Variants in SPEF2 observed in about 807,000 individuals in gnomAD.
SPEF2 encodes sperm flagella and cilia-associated protein 2.
SPEF2 carries 187 observed loss-of-function variants against 224.6 expected under a neutral mutation model. That is an observed-to-expected ratio of 0.83 (90% CI 0.74 to 0.94). The LOEUF (loss-of-function observed/expected upper bound fraction) is 0.94. Among genes scored for constraint, SPEF2 ranks in the 40% least tolerant of loss-of-function variants. The pLI is 0.00. For missense variants in SPEF2, 2,170 were observed against 2,135.6 expected, an observed-to-expected ratio of 1.02 and a Z score of -0.32; for synonymous variants, 715 against 707.3, an observed-to-expected ratio of 1.01 and a Z score of -0.17.
chr5:35,638,561 T>C (rs1169095244), intron 2 of SPEF2, among the ~76,000 whole-genome samples: 1 of 152,224 alleles, frequency 6.6e-6, no homozygotes, highest in African/African-American at 2.4e-5. Context: ...CTCTAAACTC[T>C]TCTTTTACTT....
chr5:35,641,830 A>G (rs1044790139), intron 3 of SPEF2, 147 bp downstream of exon 3: 3 of 807,336 alleles, frequency 3.7e-6, no homozygotes, highest in African/African-American at 3.5e-5. Context: ...TTTATTTTAT[A>G]TTAATAATTT....
At chr5:35,699,294 G>A (rs955488823) in intron 15 of SPEF2, 9 of 152,080 alleles carry the variant, frequency 5.9e-5, no homozygotes, top group Admixed American at 4.6e-4. Flanking sequence ...TTAATCCAAA[G>A]GCCAAAAACA....
intron 23 of SPEF2, among the ~76,000 whole-genome samples, chr5:35,742,566 G>A (rs1430156069): frequency 6.6e-6 from 1 of 151,302 alleles, no homozygotes. Flanking sequence ...CCAATTTAAT[G>A]GGTAAAAATA....
chr5:35,626,643 G>A (rs1341590869), intron 1 of SPEF2, among the ~76,000 whole-genome samples: 1 of 151,986 alleles, frequency 6.6e-6, no homozygotes, highest in African/African-American at 2.4e-5. Context: ...TCTAATTCTA[G>A]ACAGTTCAAG....
intron 36 of SPEF2, among the ~76,000 whole-genome samples, chr5:35,809,814 T>C (rs1008435060): frequency 1.3e-5 from 2 of 152,116 alleles, no homozygotes; most frequent in African/African-American, 4.8e-5. Flanking sequence ...CAACGTGGAT[T>C]CCATAGGCCC....
intron 19 of SPEF2, among the ~76,000 whole-genome samples, chr5:35,711,217 C>A (rs371485477): frequency 1.3e-5 from 2 of 152,044 alleles, no homozygotes; most frequent in Non-Finnish European, 2.9e-5. Context: ...CACTAAAAAA[C>A]CAAATGAAAT....
intron 7 of SPEF2, 58 bp from the exon 8 acceptor site, chr5:35,658,961 G>A (rs1485129418): frequency 1.0e-5 from 14 of 1,384,730 alleles, no homozygotes; most frequent in East Asian, 2.5e-5. Context: ...TATAGGCTTC[G>A]TAGCTCAGCG....
Position 35,646,581 on chromosome 5 carries a change from A to G in SPEF2, c.586-86A>G, listed in dbSNP as rs140685859. 6.1e-5 allele frequency: 82 copies of G among 1,336,014 alleles called. No homozygotes were observed. The East Asian group carries it at 1.6e-3, about 25-fold the overall frequency. 82.8% of individuals were successfully genotyped at this position (1,336,014 alleles called of 1,614,324 possible). ...TGGGTTCTGAAATTTTCAATAGATA[A>G]ATTTTATATATTTGTACCTATGAGT... On this transcript the variant is annotated intron_variant, in intron 4 of 36. Coordinates refer to ENST00000356031, the MANE Select transcript of SPEF2 (RefSeq NM_024867.4).
chr5:35,807,384 A>ACAG, intron 36 of SPEF2, 131 bp downstream of exon 36: 1 of 1,347,856 alleles, frequency 7.4e-7, no homozygotes, highest in East Asian at 2.3e-5. Flanking sequence ...AATCTGGAGA[A>ACAG]GCTAAGCTGG....
intron 2 of SPEF2, among the ~76,000 whole-genome samples, chr5:35,637,928 G>A (rs1746066593): frequency 6.6e-6 from 1 of 152,142 alleles, no homozygotes. Flanking sequence ...ATAGATTGAT[G>A]TGTTATGACT....
In SPEF2 at chr5:35,806,855, C is replaced by T; in HGVS notation, c.5159C>T (p.Ser1720Phe). The change falls in exon 35 of 37, where the codon TCC (serine) becomes TTC (phenylalanine). Residue 1720 changes from serine to phenylalanine, a missense_variant. Ser to Phe is a radical substitution (Grantham distance 155, BLOSUM62 -2). Coordinates refer to ENST00000356031, the MANE Select transcript of SPEF2 (RefSeq NM_024867.4). ...GAAAATGCAAACAATGAAAAGATGT[C>T]CATGGAAACACTACTCAAAGTGTTC... The part of the protein sequence containing the change: ...IPENANNEKM[S>F]METLLKVFKG... 1 of 1,613,924 alleles carries T rather than the reference C, an allele frequency of 6.2e-7. No individual in the cohort carries two copies. The highest frequency in any genetic ancestry group is 1.7e-5 in the Admixed American group (1 of 59,992).
intron 22 of SPEF2, 38 bp downstream of exon 22, chr5:35,740,084 G>C (rs79295037): frequency 1.2e-6 from 2 of 1,613,952 alleles, no homozygotes; most frequent in Middle Eastern, 1.6e-4. Flanking sequence ...TTACAGTTTA[G>C]AGGCATGACA....
At chr5:35,698,977 C>T (rs1382375007) in intron 15 of SPEF2, 3 of 152,212 alleles carry the variant, frequency 2.0e-5, no homozygotes, top group African/African-American at 4.8e-5. Context: ...GAATGCTTCA[C>T]CAAGCTCTGG....
chr5:35,704,437 T>A, intron 16 of SPEF2, 117 bp from the exon 17 acceptor site: 1 of 585,910 alleles, frequency 1.7e-6, no homozygotes, highest in East Asian at 3.0e-5. Context: ...TATTTTTAAG[T>A]AACACTGGAC....
chr5:35,804,951 GA>G (rs1319404957), intron 34 of SPEF2, among the ~76,000 whole-genome samples: 2 of 152,116 alleles, frequency 1.3e-5, no homozygotes, highest in Non-Finnish European at 2.9e-5. Context: ...GACTCACTCA[GA>G]AAGATGTTTT....
intron 21 of SPEF2, among the ~76,000 whole-genome samples, chr5:35,734,387 A>G (rs966786722): frequency 1.5e-5 from 2 of 129,190 alleles, no homozygotes; most frequent in African/African-American, 5.8e-5. Flanking sequence ...TCCCCGGGCC[A>G]CAAGGGAAGA....
At chr5:35,657,214 C>G (rs1303377700) in intron 7 of SPEF2, among the ~76,000 whole-genome samples, 1 of 152,200 alleles carries the variant, frequency 6.6e-6, no homozygotes, top group Admixed American at 6.5e-5. Context: ...CCCTAGCTTT[C>G]AAGTTGTTCC....
chr5:35,788,646 A>G (rs1268069263), intron 30 of SPEF2: 1 of 703,020 alleles, frequency 1.4e-6, no homozygotes, highest in South Asian at 1.5e-5. Context: ...TCGAGCCAAG[A>G]CTGGGCAAAG....
At chr5:35,661,284 ATATATATATATATATT>A (rs1373703248) in intron 8 of SPEF2, among the ~76,000 whole-genome samples, 2 of 71,164 alleles carry the variant, frequency 2.8e-5, no homozygotes, top group African/African-American at 1.1e-4. Context: ...ATATATATAT[ATATATATATATATATT>A]ATACACACAT....
Sources: allele counts gnomAD v4.1 joint callset (sites outside exome capture counted in the v4.1 genomes callset), GRCh38; gene constraint gnomAD v4.1.1; transcripts MANE v1.5; gene names NCBI Gene and HGNC (gene_info 2026-07-23, HGNC 2026-07-21).